WDR18: variants seen among roughly 807,000 people sequenced by gnomAD.
The protein encoded by WDR18 is WD repeat domain 18, also known as WD repeat-containing protein 18.
WDR18 carries 33 observed loss-of-function variants against 49.6 expected under a neutral mutation model. That is an observed-to-expected ratio of 0.67 (90% CI 0.50 to 0.89). The LOEUF (loss-of-function observed/expected upper bound fraction) is 0.89, where lower values mean the gene tolerates loss of function less well. Among genes scored for constraint, WDR18 ranks in the 40% least tolerant of loss-of-function variants. WDR18 has a pLI of 0.00. For synonymous variants in WDR18, 315 were observed against 263.6 expected (o/e 1.19, Z -1.89); for missense variants, 653 against 593.6 (o/e 1.10, Z -1.04).
chr19:994,250 T>C lies in WDR18; in HGVS notation c.1205T>C (p.Val402Ala). Reference protein sequence around the residue: ...LGGQDQLRVRVTELEDEVRNL... With the variant: ...LGGQDQLRVRATELEDEVRNL... ...GGCCAGGACCAGCTGCGCGTCCGTGTGACGGAGCTGGAGGACGAGGTGCGC... is the reference window on the plus strand; with the variant it reads ...GGCCAGGACCAGCTGCGCGTCCGTGCGACGGAGCTGGAGGACGAGGTGCGC... The change falls in exon 10 of 10, where the codon GTG becomes GCG. Residue 402 changes from valine to alanine, a missense_variant. Physicochemically the swap from Val to Ala is moderately conservative, Grantham distance 64. Transcript: ENST00000585809. 35 of 1,608,494 alleles carry C rather than the reference T, an allele frequency of 2.2e-5. No homozygotes were observed. The highest frequency in any genetic ancestry group is 3.0e-5 in the Non-Finnish European group (35 of 1,178,512).
intron 1 of WDR18, 105 bp downstream of exon 1, chr19:984,668 G>A (rs952873224): frequency 1.8e-5 from 22 of 1,197,332 alleles, no homozygotes; most frequent in Non-Finnish European, 2.3e-5. Flanking sequence ...ATTGGCGTGG[G>A]GAGGGGAGGT....
At chr19:983,892 AG>A (rs2038445137), upstream of WDR18, among the ~76,000 whole-genome samples, 1 of 152,076 alleles carries the variant, frequency 6.6e-6, no homozygotes, top group African/African-American at 2.4e-5. Context: ...TAAATAAATA[AG>A]GAAGCAGTGA....
chr19:993,794 G>A (rs955660725), intron 8 of WDR18, among the ~76,000 whole-genome samples: 1 of 152,218 alleles, frequency 6.6e-6, no homozygotes, highest in Non-Finnish European at 1.5e-5. Flanking sequence ...GCGCAGTCGT[G>A]GAGGATCTGA....
chr19:989,636 G>T, intron 2 of WDR18, 126 bp from the exon 3 acceptor site: 6 of 1,385,418 alleles, frequency 4.3e-6, no homozygotes, highest in Middle Eastern at 2.1e-4. Flanking sequence ...CGCAGTCCTG[G>T]GGCAGGGCAG....
At chr19:984,292 G>T (rs2038449737), upstream of WDR18, 4 of 1,447,540 alleles carry the variant, frequency 2.8e-6, no homozygotes, top group South Asian at 2.8e-5. Flanking sequence ...TCTGGCCCGC[G>T]TGGGGCAGTC....
intron 1 of WDR18, among the ~76,000 whole-genome samples, chr19:985,110 T>A (rs1157988136): frequency 6.6e-6 from 1 of 152,230 alleles, no homozygotes; most frequent in African/African-American, 2.4e-5. Context: ...CTCTTGGGAC[T>A]GGCTCTGTGC....
chr19:992,163 G>A (rs1342771068), intron 8 of WDR18, 42 bp downstream of exon 8: 4 of 1,408,716 alleles, frequency 2.8e-6, no homozygotes, highest in South Asian at 1.5e-5. Flanking sequence ...CTTTTGTCCC[G>A]GAAGACCCCG....
In WDR18 at chr19:992,100, G is replaced by A; in HGVS notation, c.1077G>A (p.Leu359=). 1 of 1,509,512 alleles carries A rather than the reference G, an allele frequency of 6.6e-7. No individual in the cohort carries two copies. Among genetic ancestry groups the A allele is most frequent in the Non-Finnish European group, 8.8e-7 (1 of 1,133,656 alleles). The allele number at this position is 1,509,512 out of a possible 1,614,324, so 93.5% of individuals were successfully genotyped here. The change falls in exon 8 of 10, where the codon CTG becomes CTA. Residue 359 remains leucine (L), a synonymous_variant. Coordinates refer to ENST00000585809, the MANE Select transcript of WDR18 (RefSeq NM_024100.4). ...AGCCGCGCCACGGGGGCCTCACTCTGCGCCTGGGCCTCCACCAGCAGGTAC... is the reference window on the plus strand; with the variant it reads ...AGCCGCGCCACGGGGGCCTCACTCTACGCCTGGGCCTCCACCAGCAGGTAC... ...GDEPRHGGLT[L]RLGLHQQGSE...
intron 2 of WDR18, among the ~76,000 whole-genome samples, chr19:987,828 A>ATTTTTTTTTTTTT (rs2038490267): frequency 4.2e-5 from 2 of 47,828 alleles, no homozygotes; most frequent in African/African-American, 1.3e-4. Flanking sequence ...AGCCGCCTCC[A>ATTTTTTTTTTTTT]GTTTTTTTTT....
chr19:984,706 C>T, intron 1 of WDR18, 143 bp downstream of exon 1: 6 of 942,630 alleles, frequency 6.4e-6, no homozygotes, highest in East Asian at 3.3e-5. Context: ...TCTGCGCATG[C>T]GCGGGTCTGG....
At chr19:984,584 T>TG (rs2038455210) in intron 1 of WDR18, 21 bp downstream of exon 1, 1 of 1,430,466 alleles carries the variant, frequency 7.0e-7, no homozygotes, top group African/African-American at 1.5e-5. Flanking sequence ...GCGGTCTCGC[T>TG]GCTGGGGTCA....
chr19:990,260 A>T lies in WDR18; in HGVS notation c.493A>T (p.Arg165Trp). The T allele has an allele frequency of 6.3e-7, 1 of 1,599,034 alleles. No individual in the cohort carries two copies. The highest frequency in any genetic ancestry group is 8.5e-7 in the Non-Finnish European group (1 of 1,179,282). The change falls in exon 4 of 10, where the codon AGG becomes TGG. Residue 165 changes from arginine (R) to tryptophan (W), a missense_variant. Transcript: ENST00000585809. ...QADPSRIPAP[R>W]HVWSHHALPI... ...CGACCCCTCCAGGATTCCGGCGCCC[A>T]GGCACGTCTGGTCTCACCACGCGCT...
chr19:991,841 T>C lies in WDR18; in HGVS notation c.932-114T>C, dbSNP rs1178245003. The C allele has an allele frequency of 6.7e-6, 7 of 1,038,078 alleles. 1 individual carries two copies. In the South Asian group the frequency reaches 1.4e-4, roughly 21 times the overall value. The allele number at this position is 1,038,078 out of a possible 1,614,324, so 64.3% of individuals were successfully genotyped here. On this transcript the variant is annotated intron_variant, in intron 7 of 9. Coordinates refer to ENST00000585809, the MANE Select transcript of WDR18 (RefSeq NM_024100.4). ...GGCCTGGCTGGGGGCGTGGACTGGC[T>C]GTGGGGCGGGGACTGGCTGGGGGCG...
At chr19:983,733 G>C (rs944162218), upstream of WDR18, among the ~76,000 whole-genome samples, 1 of 151,876 alleles carries the variant, frequency 6.6e-6, no homozygotes, top group Non-Finnish European at 1.5e-5. Flanking sequence ...GGGGGAGGCA[G>C]ATGTCGACCA....
chr19:988,051 A>T (rs555499229), intron 2 of WDR18, among the ~76,000 whole-genome samples: 2 of 151,626 alleles, frequency 1.3e-5, no homozygotes, highest in Non-Finnish European at 2.9e-5. Flanking sequence ...GCTGGTTTCG[A>T]ACTCCTGGTC....
At chr19:984,680 G>T in intron 1 of WDR18, 117 bp downstream of exon 1, 1 of 1,099,842 alleles carries the variant, frequency 9.1e-7, no homozygotes, top group Non-Finnish European at 1.2e-6. Context: ...AGGGGAGGTG[G>T]TCTCCGTTCG....
Position 994,481 on chromosome 19 carries a change from G to A in WDR18, c.*137G>A. 1 of 1,288,384 alleles carries A rather than the reference G, an allele frequency of 7.8e-7. No homozygotes were observed. The highest frequency in any genetic ancestry group is 2.6e-5 in the East Asian group (1 of 38,944). 79.8% of individuals were successfully genotyped at this position (1,288,384 alleles called of 1,614,324 possible). A position where few individuals can be genotyped will look rare whatever the true frequency, so the allele number is the denominator to read the frequency against. ...TGTCGTGTTCGGGTTTTTCCTCTGT[G>A]ACTGGGCCGTCTTGGTGTCTCGTGG... On this transcript the variant is annotated 3_prime_UTR_variant, in exon 10 of 10. Transcript: ENST00000585809.
chr19:987,651 C>G (rs1041689259), intron 2 of WDR18, among the ~76,000 whole-genome samples: 1 of 152,042 alleles, frequency 6.6e-6, no homozygotes, highest in African/African-American at 2.4e-5. Context: ...TCACCCCTAA[C>G]AGTAGACCTC....
chr19:985,330 C>T (rs149397067), intron 1 of WDR18, among the ~76,000 whole-genome samples: 165 of 152,228 alleles, frequency 1.1e-3, no homozygotes, highest in Non-Finnish European at 2.1e-3. Flanking sequence ...CCACCACACC[C>T]GGCCCACATT....
Sources: allele counts gnomAD v4.1 joint callset (sites outside exome capture counted in the v4.1 genomes callset), GRCh38; gene constraint gnomAD v4.1.1; transcripts MANE v1.5; gene names NCBI Gene and HGNC (gene_info 2026-07-23, HGNC 2026-07-21).